CSNK1G1: variants seen among roughly 807,000 people sequenced by gnomAD.
CSNK1G1 encodes casein kinase I isoform gamma-1.
A neutral mutation model predicts 59.6 loss-of-function variants in CSNK1G1; 22 were observed. The ratio of observed to expected loss-of-function variants is 0.37; its 90% CI spans 0.26 to 0.53. CSNK1G1 has a LOEUF of 0.53. CSNK1G1 is among the 20% of genes least tolerant of loss of function. The pLI is 0.89. For missense variants in CSNK1G1, 384 were observed against 519.5 expected (o/e 0.74, Z 2.54); for synonymous variants, 179 against 177.1 (o/e 1.01, Z -0.08).
At position 64,181,293 on chromosome 15, in the gene CSNK1G1, C is replaced by T. The variant is rs1037466372; in HGVS notation, c.1108-839G>A. 2.6e-6 allele frequency: 4 copies of T among 1,535,998 alleles called. No homozygotes were observed. The African/African-American group carries it at 5.5e-5, about 21-fold the overall frequency. On this transcript the variant is annotated intron_variant, in intron 10 of 11. Coordinates refer to ENST00000303052, the MANE Select transcript of CSNK1G1 (RefSeq NM_022048.5). Reference sequence around the variant, plus strand: ...GTCATCTGGTTAATGTGGACCCAATCAGGCTTCTCTTGCATGTGTAGCTGC... The same window carrying T: ...GTCATCTGGTTAATGTGGACCCAATTAGGCTTCTCTTGCATGTGTAGCTGC...
At chr15:64,327,232 A>G (rs1405539705) in intron 1 of CSNK1G1, among the ~76,000 whole-genome samples, 1 of 152,126 alleles carries the variant, frequency 6.6e-6, no homozygotes, top group East Asian at 1.9e-4. Context: ...GGCACAGACA[A>G]ACAAAAAGAC....
chr15:64,301,894 AAAAG>A (rs911349871), intron 1 of CSNK1G1, among the ~76,000 whole-genome samples: 4 of 152,170 alleles, frequency 2.6e-5, no homozygotes, highest in African/African-American at 7.2e-5. Context: ...CTCAAAAAAA[AAAAG>A]AAAGAAAGAA....
Position 64,213,873 on chromosome 15 carries a change from A to G in CSNK1G1, c.679+17T>C. 6.5e-7 allele frequency: 1 copy of G among 1,548,298 alleles called. No homozygotes were observed. Among genetic ancestry groups the G allele is most frequent in the Non-Finnish European group, 8.9e-7 (1 of 1,120,668 alleles). On this transcript the variant is annotated intron_variant, in intron 6 of 11. Transcript: ENST00000303052. ...TTCTAATGACTCGCCCCTTTCATGG[A>G]ACAGAAAAAAACACACCTTTGCCAA...
chr15:64,299,822 TTTTGGAAAA>T (rs1223384160), intron 2 of CSNK1G1, among the ~76,000 whole-genome samples: 1 of 152,136 alleles, frequency 6.6e-6, no homozygotes, highest in East Asian at 1.9e-4. Flanking sequence ...ACAAATTATC[TTTTGGAAAA>T]TTTCTCCAAA....
intron 9 of CSNK1G1, among the ~76,000 whole-genome samples, chr15:64,204,075 G>T (rs1365050568): frequency 2.0e-5 from 3 of 151,628 alleles, no homozygotes. Flanking sequence ...CTCAGGAGGC[G>T]GAGGTTGCAG....
intron 2 of CSNK1G1, among the ~76,000 whole-genome samples, chr15:64,259,891 T>G (rs1039366755): frequency 2.0e-5 from 3 of 152,230 alleles, no homozygotes; most frequent in African/African-American, 7.2e-5. Flanking sequence ...AAGTTCTTCC[T>G]GCAATAACGG....
intron 1 of CSNK1G1, among the ~76,000 whole-genome samples, chr15:64,340,773 G>A (rs968916091): frequency 1.3e-5 from 2 of 152,164 alleles, no homozygotes; most frequent in African/African-American, 4.8e-5. Context: ...GGGCAATATG[G>A]CAAAATCCTG....
rs939641471 is a variant in CSNK1G1 at position 64,188,205 on chromosome 15, T to C, written c.1108-7751A>G. Among the ~76,000 whole-genome samples the C allele has an allele frequency of 3.3e-5, 5 of 152,206 alleles. No homozygotes were observed. Among genetic ancestry groups the C allele is most frequent in the African/African-American group, 1.2e-4 (5 of 41,436 alleles). On this transcript the variant is annotated intron_variant, in intron 10 of 11. Coordinates refer to ENST00000303052, the MANE Select transcript of CSNK1G1 (RefSeq NM_022048.5). This position sits in a 1 kb window ranked among gnomAD's most constrained non-coding sequence, Gnocchi z 4.2. ...GTCAATGACAACAGGAAGTAATCAT[T>C]TTAACAAGCGACTCTTACCCAAGTC...
chr15:64,193,966 G>A (rs2082006416), intron 10 of CSNK1G1: 1 of 152,334 alleles, frequency 6.6e-6, no homozygotes, highest in Admixed American at 6.5e-5. Context: ...CTTTTAATAT[G>A]GAATACAGAA....
At chr15:64,267,917 C>T (rs1022039635) in intron 2 of CSNK1G1, among the ~76,000 whole-genome samples, 1 of 151,872 alleles carries the variant, frequency 6.6e-6, no homozygotes, top group Non-Finnish European at 1.5e-5. Flanking sequence ...GAGTTCAAGA[C>T]CAGCCTGAAC....
intron 4 of CSNK1G1, among the ~76,000 whole-genome samples, chr15:64,250,973 G>C (rs988687876): frequency 6.6e-6 from 1 of 151,902 alleles, no homozygotes; most frequent in Non-Finnish European, 1.5e-5. Flanking sequence ...AGAGCTTTTT[G>C]GTAAAAACAA....
intron 1 of CSNK1G1, among the ~76,000 whole-genome samples, chr15:64,321,240 AT>A (rs1164609510): frequency 6.7e-6 from 1 of 149,242 alleles, no homozygotes; most frequent in Non-Finnish European, 1.5e-5. Context: ...AAAAAAAAGC[AT>A]TTTTTTTCTT....
intron 3 of CSNK1G1, among the ~76,000 whole-genome samples, chr15:64,252,256 C>T (rs576985859): frequency 1.8e-4 from 26 of 145,860 alleles, no homozygotes; most frequent in African/African-American, 6.5e-4. Flanking sequence ...TGTATAATTT[C>T]TTTTTTTTTT....
intron 1 of CSNK1G1, among the ~76,000 whole-genome samples, chr15:64,304,010 C>A (rs1372521614): frequency 6.6e-6 from 1 of 151,728 alleles, no homozygotes; most frequent in Non-Finnish European, 1.5e-5. Flanking sequence ...TTACTTCCCA[C>A]AACCATGACA....
At chr15:64,324,230 C>T (rs1164125951) in intron 1 of CSNK1G1, among the ~76,000 whole-genome samples, 1 of 152,198 alleles carries the variant, frequency 6.6e-6, no homozygotes, top group African/African-American at 2.4e-5. Context: ...ATGGTTAATA[C>T]TGAGTGTCAA....
chr15:64,322,374 G>A (rs368719566), intron 1 of CSNK1G1, among the ~76,000 whole-genome samples: 8 of 151,864 alleles, frequency 5.3e-5, no homozygotes, highest in Non-Finnish European at 7.4e-5. Flanking sequence ...ATACAGACAC[G>A]GTCTTACTAC....
At chr15:64,295,049 G>C (rs1894947137) in intron 2 of CSNK1G1, among the ~76,000 whole-genome samples, 2 of 152,040 alleles carry the variant, frequency 1.3e-5, no homozygotes, top group South Asian at 2.1e-4. Context: ...GGCTAACATG[G>C]TGAAACCCCA....
intron 2 of CSNK1G1, among the ~76,000 whole-genome samples, chr15:64,278,557 T>C (rs1221390024): frequency 1.3e-5 from 2 of 151,860 alleles, no homozygotes; most frequent in African/African-American, 2.4e-5. Flanking sequence ...GCCTTCCAAG[T>C]AGTCAGGACT....
Position 64,188,334 on chromosome 15 carries a change from A to C in CSNK1G1, c.1108-7880T>G, listed in dbSNP as rs2081925287. The stretch of plus-strand genomic sequence containing the variant: ...AAGCAAGCCAACATTCCACCAGCCA[A>C]GCTGGAAAGGCCAGGAAAAGGCAAT... On this transcript the variant is annotated intron_variant, in intron 10 of 11. Coordinates refer to ENST00000303052, the MANE Select transcript of CSNK1G1 (RefSeq NM_022048.5). The surrounding 1 kb of genome is among the most constrained non-coding windows in gnomAD (Gnocchi z 4.2). 2 of 1,448,610 alleles carry C rather than the reference A, an allele frequency of 1.4e-6. No individual in the cohort carries two copies. The allele number at this position is 1,448,610 out of a possible 1,614,324, so 89.7% of individuals were successfully genotyped here. A position where few individuals can be genotyped will look rare whatever the true frequency, so the allele number is the denominator to read the frequency against.
Sources: gnomAD v4.1 joint callset for allele counts (sites outside exome capture counted in the v4.1 genomes callset) on GRCh38, gnomAD v4.1.1 for gene constraint, Gnocchi (gnomAD v3.1) non-coding constraint, MANE v1.5 for transcripts, NCBI Gene and HGNC (gene_info 2026-07-23, HGNC 2026-07-21) for gene names.